Variants in FOXP1 observed in about 807,000 individuals in gnomAD.
FOXP1 encodes the protein forkhead box P1.
FOXP1 carries 15 observed loss-of-function variants against 98.2 expected under a neutral mutation model. The ratio of observed to expected loss-of-function variants is 0.15; its 90% CI spans 0.10 to 0.24. FOXP1 has a LOEUF of 0.24. Among genes scored for constraint, FOXP1 ranks in the 10% least tolerant of loss-of-function variants. The pLI is 1.00. For missense variants in FOXP1, 633 were observed against 848.5 expected (o/e 0.75, Z 3.15); for synonymous variants, 371 against 314.5 (o/e 1.18, Z -1.90).
rs561717912 is a variant in FOXP1, at chr3:71,298,326, A to G, written c.-12+1494T>C. Among the ~76,000 whole-genome samples the G allele has an allele frequency of 2.0e-5, 3 of 152,170 alleles. No individual in the cohort carries two copies. The South Asian group carries it at 6.2e-4, about 32-fold the overall frequency. On this transcript the variant is annotated intron_variant, in intron 5 of 20. Transcript: ENST00000649528. ...CTAAAAACACAAAAATTAGCTGGGT[A>G]TGATGGCGACTGCCTGTAATCCCAG... is the stretch of plus-strand genomic sequence containing the variant.
At chr3:71,470,091 T>C (rs2089182748) in intron 3 of FOXP1, among the ~76,000 whole-genome samples, 1 of 151,726 alleles carries the variant, frequency 6.6e-6, no homozygotes, top group Non-Finnish European at 1.5e-5. Context: ...AAATAAAATA[T>C]TCATAAAACA....
At chr3:71,133,947 G>T (rs2107944646) in intron 6 of FOXP1, among the ~76,000 whole-genome samples, 1 of 152,138 alleles carries the variant, frequency 6.6e-6, no homozygotes, top group East Asian at 1.9e-4. Flanking sequence ...ATTTTAAATT[G>T]AATATTTTTC....
At chr3:71,582,061 C>A (rs1050411631) in intron 1 of FOXP1, 11 of 961,386 alleles carry the variant, frequency 1.1e-5, no homozygotes, top group Non-Finnish European at 1.3e-5. Context: ...TCACAGGGGG[C>A]GGGAGCTGCG....
At chr3:71,028,742 A>G (rs1434282109) in intron 11 of FOXP1, among the ~76,000 whole-genome samples, 1 of 152,222 alleles carries the variant, frequency 6.6e-6, no homozygotes, top group African/African-American at 2.4e-5. Context: ...AAATAATTTT[A>G]CAACTCACCC....
chr3:71,124,426 C>A (rs138840175), intron 6 of FOXP1, among the ~76,000 whole-genome samples: 201 of 151,706 alleles, frequency 1.3e-3, no homozygotes, highest in Non-Finnish European at 6.9e-4. Flanking sequence ...CAATTGTTTA[C>A]TATAAATACA....
In FOXP1 at chr3:71,483,891, G is replaced by A. The variant is rs575245953; in HGVS notation, c.-168+9535C>T. ...TAAAAATTTGAAAAAAGAACAGAAG[G>A]AACCTACCTCCATATTAGGACCACC... On this transcript the variant is annotated intron_variant, in intron 3 of 20. Transcript: ENST00000649528. 1.4e-4 allele frequency among the ~76,000 whole-genome samples: 22 copies of A among 151,744 alleles called. No individual in the cohort carries two copies. The East Asian group carries it at 3.9e-3, about 27-fold the overall frequency.
chr3:71,171,453 G>A (rs1394807374), intron 6 of FOXP1, among the ~76,000 whole-genome samples: 1 of 152,130 alleles, frequency 6.6e-6, no homozygotes, highest in Non-Finnish European at 1.5e-5. Context: ...CCCGTAAACA[G>A]GCATTTTTCC....
intron 12 of FOXP1, among the ~76,000 whole-genome samples, chr3:71,008,366 A>C (rs1382677861): frequency 6.6e-6 from 1 of 152,190 alleles, no homozygotes; most frequent in Non-Finnish European, 1.5e-5. Context: ...TTTGAAAAGA[A>C]GAAAAAAGAA....
intron 2 of FOXP1, chr3:71,581,064 G>C: frequency 2.1e-6 from 2 of 964,446 alleles, no homozygotes; most frequent in Non-Finnish European, 2.5e-6. Flanking sequence ...GAGGGCTTGT[G>C]GGGTGGGGAG....
intron 3 of FOXP1, among the ~76,000 whole-genome samples, chr3:71,413,605 C>A (rs2082971518): frequency 1.3e-5 from 2 of 152,104 alleles, no homozygotes; most frequent in Admixed American, 6.5e-5. Flanking sequence ...TTAGATGTTG[C>A]CAATTAACAT....
intron 3 of FOXP1, among the ~76,000 whole-genome samples, chr3:71,396,410 T>C (rs1048787452): frequency 6.6e-6 from 1 of 152,106 alleles, no homozygotes; most frequent in East Asian, 1.9e-4. Flanking sequence ...TCATCTCCAT[T>C]TTGTAAATGA....
At chr3:71,388,227 C>T (rs1362810322) in intron 3 of FOXP1, among the ~76,000 whole-genome samples, 1 of 152,086 alleles carries the variant, frequency 6.6e-6, no homozygotes, top group Non-Finnish European at 1.5e-5. Flanking sequence ...ATTCTGAGAG[C>T]TAGTAAGCTA....
At chr3:71,132,536 T>G (rs888280973) in intron 6 of FOXP1, among the ~76,000 whole-genome samples, 2 of 152,218 alleles carry the variant, frequency 1.3e-5, no homozygotes, top group African/African-American at 4.8e-5. Context: ...TAACAAACAC[T>G]GAATGTGAAC....
intron 14 of FOXP1, among the ~76,000 whole-genome samples, chr3:70,981,765 C>T (rs1423911785): frequency 6.6e-6 from 1 of 152,188 alleles, no homozygotes; most frequent in African/African-American, 2.4e-5. Context: ...GACCTCTGCC[C>T]TTGCTATTAA....
chr3:71,252,464 G>T (rs1414065301), intron 5 of FOXP1, among the ~76,000 whole-genome samples: 1 of 152,172 alleles, frequency 6.6e-6, no homozygotes. Context: ...AGAGAGTGGA[G>T]CTAATAAAAA....
chr3:71,450,642 G>T (rs886898821), intron 3 of FOXP1, among the ~76,000 whole-genome samples: 1 of 152,046 alleles, frequency 6.6e-6, no homozygotes, highest in Non-Finnish European at 1.5e-5. Flanking sequence ...TGTTAATTTC[G>T]AACAAAACTG....
chr3:70,996,022 T>C (rs1422884505), intron 13 of FOXP1, among the ~76,000 whole-genome samples: 2 of 152,214 alleles, frequency 1.3e-5, no homozygotes, highest in Non-Finnish European at 2.9e-5. Flanking sequence ...GTTTTGCTCT[T>C]ATTGCCCAGG....
At chr3:71,258,529 G>A (rs2107151538) in intron 5 of FOXP1, among the ~76,000 whole-genome samples, 1 of 152,276 alleles carries the variant, frequency 6.6e-6, no homozygotes, top group East Asian at 1.9e-4. Flanking sequence ...TAGGCTGGAG[G>A]AACTTCTAGA....
At chr3:71,557,978 G>A (rs769652604) in intron 2 of FOXP1, among the ~76,000 whole-genome samples, 6 of 152,044 alleles carry the variant, frequency 3.9e-5, no homozygotes, top group Non-Finnish European at 5.9e-5. Context: ...CACCACATCT[G>A]GCTGATTTTT....
Sources: allele counts gnomAD v4.1 joint callset (sites outside exome capture counted in the v4.1 genomes callset), GRCh38; gene constraint gnomAD v4.1.1; transcripts MANE v1.5; gene names NCBI Gene and HGNC (gene_info 2026-07-23, HGNC 2026-07-21).